FRMD4B: variants seen among roughly 807,000 people sequenced by gnomAD.
FRMD4B encodes FERM domain-containing protein 4B.
Under a neutral mutation model 141.5 loss-of-function variants are expected in FRMD4B, and 74 were observed. The observed-to-expected ratio is 0.52, with a 90% CI of 0.43 to 0.63. The LOEUF is 0.63. Among genes scored for constraint, FRMD4B ranks in the 30% least tolerant of loss-of-function variants. The pLI is 0.00. For missense variants in FRMD4B, 1,366 were observed against 1,253.4 expected, an observed-to-expected ratio of 1.09 and a Z score of -1.36; for synonymous variants, 506 against 467.9, an observed-to-expected ratio of 1.08 and a Z score of -1.05.
chr3:69,394,335 T>G (rs1020242455), intron 2 of FRMD4B, among the ~76,000 whole-genome samples: 1 of 152,206 alleles, frequency 6.6e-6, no homozygotes, highest in South Asian at 2.1e-4. Flanking sequence ...CCAAATACCA[T>G]CACATTGGTG....
chr3:69,261,700 T>C (rs2093528560), intron 5 of FRMD4B, among the ~76,000 whole-genome samples: 1 of 152,142 alleles, frequency 6.6e-6, no homozygotes, highest in Admixed American at 6.5e-5. Context: ...TGAGATGGAG[T>C]CTCCCTCTGT....
chr3:69,320,476 C>T (rs1701960504), intron 1 of FRMD4B, among the ~76,000 whole-genome samples: 2 of 151,790 alleles, frequency 1.3e-5, no homozygotes, highest in South Asian at 4.2e-4. Flanking sequence ...GCCTGTAGTC[C>T]CAGCTACTCG....
intron 11 of FRMD4B, among the ~76,000 whole-genome samples, chr3:69,208,489 G>A (rs2093045542): frequency 6.8e-6 from 1 of 147,656 alleles, no homozygotes; most frequent in African/African-American, 2.4e-5. Flanking sequence ...CTGAGCCACT[G>A]CAACCAGCCT....
At chr3:69,341,032 A>T in intron 1 of FRMD4B, among the ~76,000 whole-genome samples, 1 of 152,388 alleles carries the variant, frequency 6.6e-6, no homozygotes, top group East Asian at 1.9e-4. Context: ...TATTCATTTT[A>T]TAAAAATTGG....
intron 1 of FRMD4B, among the ~76,000 whole-genome samples, chr3:69,371,492 C>G (rs1203580563): frequency 6.6e-6 from 1 of 152,146 alleles, no homozygotes; most frequent in Non-Finnish European, 1.5e-5. Context: ...ATGACACGAT[C>G]TGACTTACTT....
In FRMD4B at chr3:69,526,971, C is replaced by A. The variant is rs567152645; in HGVS notation, c.-129+15235G>T. Among the ~76,000 whole-genome samples the A allele has an allele frequency of 2.6e-5, 4 of 152,270 alleles. No individual in the cohort carries two copies. The East Asian group carries it at 7.7e-4, about 29-fold the overall frequency. ...ACTTGATACATGAAACCATTTTAAACTTCAAATTCCCAGGTCTTTCTTTCC... is the reference window on the plus strand; with the variant it reads ...ACTTGATACATGAAACCATTTTAAAATTCAAATTCCCAGGTCTTTCTTTCC... On this transcript the variant is annotated intron_variant, in intron 1 of 5. Transcript: ENST00000459638.
intron 5 of FRMD4B, among the ~76,000 whole-genome samples, chr3:69,287,333 T>A (rs940763208): frequency 1.3e-5 from 2 of 152,252 alleles, no homozygotes; most frequent in Non-Finnish European, 2.9e-5. Context: ...GTGGCACATG[T>A]GTGCAGGGAT....
intron 1 of FRMD4B, among the ~76,000 whole-genome samples, chr3:69,446,737 C>T (rs1282052035): frequency 1.3e-5 from 2 of 152,202 alleles, no homozygotes; most frequent in Non-Finnish European, 2.9e-5. Context: ...GCAGAAGACA[C>T]ATATCTCACT....
At chr3:69,315,331 T>C (rs967600184) in intron 1 of FRMD4B, among the ~76,000 whole-genome samples, 3 of 152,134 alleles carry the variant, frequency 2.0e-5, no homozygotes, top group African/African-American at 7.2e-5. Flanking sequence ...AGAATCCTCA[T>C]AGACCACTTT....
chr3:69,280,052 T>C (rs1269165829), intron 5 of FRMD4B, among the ~76,000 whole-genome samples: 1 of 151,988 alleles, frequency 6.6e-6, no homozygotes, highest in African/African-American at 2.4e-5. Context: ...ATCACAGATA[T>C]GGTCAAGGGC....
intron 1 of FRMD4B, among the ~76,000 whole-genome samples, chr3:69,372,308 G>T (rs1299810169): frequency 1.3e-5 from 2 of 152,170 alleles, no homozygotes; most frequent in Non-Finnish European, 2.9e-5. Context: ...TTATGCTGTT[G>T]TATCCCAAGT....
intron 1 of FRMD4B, among the ~76,000 whole-genome samples, chr3:69,519,291 C>T (rs1178897212): frequency 6.6e-6 from 1 of 152,094 alleles, no homozygotes; most frequent in East Asian, 1.9e-4. Context: ...GTGTGCATGG[C>T]TGGGGAGAGC....
chr3:69,340,120 A>T (rs888962188), intron 1 of FRMD4B, among the ~76,000 whole-genome samples: 4 of 151,906 alleles, frequency 2.6e-5, no homozygotes, highest in Admixed American at 2.6e-4. Flanking sequence ...AACCCAACTC[A>T]TCTCTAAAAA....
At chr3:69,340,520 A>G (rs1363850999) in intron 1 of FRMD4B, among the ~76,000 whole-genome samples, 3 of 152,228 alleles carry the variant, frequency 2.0e-5, no homozygotes, top group African/African-American at 7.2e-5. Flanking sequence ...CATAGGAGAC[A>G]TCGTGCAGTG....
In FRMD4B at chr3:69,222,350, C is replaced by G. The variant is rs58175668; in HGVS notation, c.666-427G>C. Among the ~76,000 whole-genome samples the G allele has an allele frequency of 1.6e-3, 244 of 151,496 alleles. 2 individuals are homozygous for G. The highest frequency in any genetic ancestry group is 5.7e-3 in the African/African-American group (234 of 41,260). On this transcript the variant is annotated intron_variant, in intron 8 of 22. Transcript: ENST00000398540. ...AGTGTTGTGGCATGTGCCTGTAGTC[C>G]CAGCTCCTCGGGAGGCTGAGGCAGG... is the stretch of plus-strand genomic sequence containing the variant.
chr3:69,294,641 T>G (rs1409838454), intron 4 of FRMD4B, among the ~76,000 whole-genome samples: 1 of 152,230 alleles, frequency 6.6e-6, no homozygotes, highest in African/African-American at 2.4e-5. Flanking sequence ...GCATGACTCT[T>G]TCTGAGTTAT....
intron 19 of FRMD4B, among the ~76,000 whole-genome samples, chr3:69,186,678 C>G (rs2092771246): frequency 6.6e-6 from 1 of 152,196 alleles, no homozygotes; most frequent in African/African-American, 2.4e-5. Context: ...CACCACTGCA[C>G]TCCAGCCTGA....
intron 5 of FRMD4B, among the ~76,000 whole-genome samples, chr3:69,260,013 C>T (rs1418246405): frequency 6.6e-6 from 1 of 152,222 alleles, no homozygotes; most frequent in Non-Finnish European, 1.5e-5. Flanking sequence ...AAATATCACA[C>T]TCGTCCTATG....
chr3:69,281,769 A>G (rs1227781861), intron 5 of FRMD4B, among the ~76,000 whole-genome samples: 1 of 151,176 alleles, frequency 6.6e-6, no homozygotes, highest in African/African-American at 2.4e-5. Flanking sequence ...GGTTGTAGTG[A>G]GCTGAGATCG....
Sources: gnomAD v4.1 joint callset for allele counts (sites outside exome capture counted in the v4.1 genomes callset) on GRCh38, gnomAD v4.1.1 for gene constraint, MANE v1.5 for transcripts, NCBI Gene and HGNC (gene_info 2026-07-23, HGNC 2026-07-21) for gene names.